Variants in SUPT3H observed in about 807,000 individuals in gnomAD.
SUPT3H encodes SPT3 homolog, SAGA and STAGA complex component, also known as transcription initiation protein SPT3 homolog.
In SUPT3H, 44 loss-of-function variants were observed where a neutral mutation model predicts 44.3. The observed-to-expected ratio is 0.99, with a 90% CI of 0.78 to 1.28. The LOEUF is 1.28. SUPT3H is among the 50% of genes most tolerant of loss of function. SUPT3H has a pLI of 0.00. For synonymous variants in SUPT3H, 124 were observed against 125.6 expected, an observed-to-expected ratio of 0.99 and a Z score of 0.09; for missense variants, 380 against 387.1, an observed-to-expected ratio of 0.98 and a Z score of 0.15.
chr6:45,070,564 A>G (rs1794205408), intron 3 of SUPT3H, among the ~76,000 whole-genome samples: 1 of 151,554 alleles, frequency 6.6e-6, no homozygotes, highest in Non-Finnish European at 1.5e-5. Context: ...ACATGGTGAA[A>G]CCCCGTCTCT....
chr6:45,281,394 A>C (rs1005514843), intron 2 of SUPT3H, among the ~76,000 whole-genome samples: 1 of 152,206 alleles, frequency 6.6e-6, no homozygotes, highest in Non-Finnish European at 1.5e-5. Context: ...TTCCCACCCT[A>C]ATACTGCGCT....
In SUPT3H at chr6:44,954,615, T is replaced by C; in HGVS notation, c.581-8A>G. The C allele has an allele frequency of 6.3e-7, 1 of 1,586,920 alleles. No homozygotes were observed. The highest frequency in any genetic ancestry group is 8.6e-7 in the Non-Finnish European group (1 of 1,158,664). ...ATTTGGAAGCTTTTTTGGCTGGCCA[T>C]TTAAAAAAAACAAGTGCAGAAATTT... On this transcript the variant is annotated splice_polypyrimidine_tract_variant and splice_region_variant and intron_variant, in intron 7 of 10. Coordinates refer to ENST00000371459, the MANE Select transcript of SUPT3H (RefSeq NM_003599.4).
intron 3 of SUPT3H, among the ~76,000 whole-genome samples, chr6:45,081,146 T>C: frequency 6.6e-6 from 1 of 151,996 alleles, no homozygotes; most frequent in Non-Finnish European, 1.5e-5. Flanking sequence ...CCTTCTCTCC[T>C]GAACAAAGCC....
At chr6:45,320,808 G>C (rs1056583414) in intron 2 of SUPT3H, among the ~76,000 whole-genome samples, 5 of 152,110 alleles carry the variant, frequency 3.3e-5, no homozygotes, top group Non-Finnish European at 7.4e-5. Flanking sequence ...TGTACATAGA[G>C]ACGTAGTCTT....
At chr6:45,034,208 G>A (rs899667262) in intron 3 of SUPT3H, among the ~76,000 whole-genome samples, 5 of 151,990 alleles carry the variant, frequency 3.3e-5, no homozygotes, top group Non-Finnish European at 2.9e-5. Context: ...AGAGGATTAA[G>A]GGGGAATTAG....
At chr6:45,203,325 T>C (rs908764857) in intron 2 of SUPT3H, among the ~76,000 whole-genome samples, 2 of 152,100 alleles carry the variant, frequency 1.3e-5, no homozygotes, top group Non-Finnish European at 2.9e-5. Flanking sequence ...TCAATGATAC[T>C]TTCCTCTGCC....
At chr6:44,886,179 T>C (rs1393217503) in intron 10 of SUPT3H, among the ~76,000 whole-genome samples, 4 of 152,282 alleles carry the variant, frequency 2.6e-5, no homozygotes, top group South Asian at 2.1e-4. Context: ...TGGAACCAAG[T>C]TGGAAAACAC....
chr6:44,898,982 T>G (rs1268036554), intron 10 of SUPT3H: 1 of 152,200 alleles, frequency 6.6e-6, no homozygotes, highest in African/African-American at 2.4e-5. Context: ...TTGAAAACTC[T>G]GCCCCCCTCC....
intron 2 of SUPT3H, among the ~76,000 whole-genome samples, chr6:45,207,602 G>A (rs1375382532): frequency 6.6e-6 from 1 of 152,074 alleles, no homozygotes; most frequent in African/African-American, 2.4e-5. Flanking sequence ...TCAACAGCAT[G>A]GGCTCATTTC....
At chr6:45,125,061 C>T (rs1802232532) in intron 2 of SUPT3H, among the ~76,000 whole-genome samples, 1 of 152,192 alleles carries the variant, frequency 6.6e-6, no homozygotes, top group East Asian at 1.9e-4. Context: ...AGGAAGGATT[C>T]TCCTCTAGAG....
intron 2 of SUPT3H, among the ~76,000 whole-genome samples, chr6:45,344,573 T>C (rs534931832): frequency 2.0e-5 from 3 of 152,254 alleles, no homozygotes; most frequent in East Asian, 1.9e-4. Flanking sequence ...CTTTACGATA[T>C]GCACAACAAA....
At chr6:45,313,820 C>A (rs1784326282) in intron 2 of SUPT3H, among the ~76,000 whole-genome samples, 1 of 151,982 alleles carries the variant, frequency 6.6e-6, no homozygotes, top group Non-Finnish European at 1.5e-5. Flanking sequence ...AATAACAAAA[C>A]CAGGGAAGGA....
intron 2 of SUPT3H, among the ~76,000 whole-genome samples, chr6:45,279,141 T>C (rs1372379080): frequency 6.6e-6 from 1 of 152,162 alleles, no homozygotes; most frequent in African/African-American, 2.4e-5. Context: ...TATTTAAAAG[T>C]TTAAAAACAG....
chr6:45,345,815 C>T (rs1224467463), intron 2 of SUPT3H, among the ~76,000 whole-genome samples: 1 of 152,080 alleles, frequency 6.6e-6, no homozygotes, highest in East Asian at 1.9e-4. Flanking sequence ...GACTTAACTC[C>T]TCAGTCTGCC....
intron 2 of SUPT3H, among the ~76,000 whole-genome samples, chr6:45,135,583 G>C (rs1390813019): frequency 6.6e-6 from 1 of 152,160 alleles, no homozygotes; most frequent in Non-Finnish European, 1.5e-5. Flanking sequence ...ACACAACTTA[G>C]CTAAGTCCTT....
chr6:45,290,006 C>A (rs1387405436), intron 2 of SUPT3H, among the ~76,000 whole-genome samples: 1 of 151,950 alleles, frequency 6.6e-6, no homozygotes, highest in Non-Finnish European at 1.5e-5. Flanking sequence ...AACAGAGATG[C>A]CATCTTTACA....
chr6:45,336,559 T>C (rs1260732098), intron 2 of SUPT3H, among the ~76,000 whole-genome samples: 1 of 151,420 alleles, frequency 6.6e-6, no homozygotes, highest in East Asian at 1.9e-4. Flanking sequence ...ATCAAAATAC[T>C]TGGCTTAAAT....
At chr6:44,831,238 A>AAAAC (rs2153410210) in intron 10 of SUPT3H, among the ~76,000 whole-genome samples, 1 of 152,322 alleles carries the variant, frequency 6.6e-6, no homozygotes, top group East Asian at 1.9e-4. Flanking sequence ...CAGGGATGAC[A>AAAAC]AAACAGTGGC....
intron 6 of SUPT3H, among the ~76,000 whole-genome samples, chr6:44,987,031 G>C (rs999631865): frequency 1.3e-5 from 2 of 152,084 alleles, no homozygotes; most frequent in African/African-American, 4.8e-5. Flanking sequence ...GGTTCTGAAG[G>C]CTAGAGGTTC....
Sources: gnomAD v4.1 joint callset for allele counts (sites outside exome capture counted in the v4.1 genomes callset) on GRCh38, gnomAD v4.1.1 for gene constraint, MANE v1.5 for transcripts, NCBI Gene and HGNC (gene_info 2026-07-23, HGNC 2026-07-21) for gene names.